CUEDC1: variants seen among roughly 807,000 people sequenced by gnomAD.
The protein encoded by CUEDC1 is CUE domain-containing protein 1.
In CUEDC1, 30 loss-of-function variants were observed where a neutral mutation model predicts 43.7. That is an observed-to-expected ratio of 0.69 (90% CI 0.51 to 0.93). The LOEUF is 0.93. Ranked by LOEUF, CUEDC1 falls within the 40% of genes least tolerant of loss-of-function variation. The pLI is 0.00. For synonymous variants in CUEDC1, 223 were observed against 223.6 expected, an observed-to-expected ratio of 1.00 and a Z score of 0.02; for missense variants, 486 against 549.0, an observed-to-expected ratio of 0.89 and a Z score of 1.15.
intron 7 of CUEDC1, 175 bp from the exon 8 acceptor site, chr17:57,868,418 C>T (rs1016142724): frequency 5.3e-5 from 33 of 623,770 alleles, no homozygotes; most frequent in South Asian, 1.5e-4. Context: ...CCCCTGAGGA[C>T]GCCACCCCAG....
At chr17:57,936,148 G>A (rs1303557134) in intron 1 of CUEDC1, among the ~76,000 whole-genome samples, 1 of 152,222 alleles carries the variant, frequency 6.6e-6, no homozygotes, top group East Asian at 1.9e-4. Context: ...AATCTGTCAG[G>A]CCCTGTGGGC....
chr17:57,911,651 C>T (rs370482811), intron 1 of CUEDC1, among the ~76,000 whole-genome samples: 26 of 152,204 alleles, frequency 1.7e-4, no homozygotes, highest in Admixed American at 3.9e-4. Flanking sequence ...TACAGGCGTG[C>T]GCCACCACAC....
At chr17:57,869,647 G>C (rs1236348098) in intron 6 of CUEDC1, among the ~76,000 whole-genome samples, 1 of 152,166 alleles carries the variant, frequency 6.6e-6, no homozygotes, top group Non-Finnish European at 1.5e-5. Flanking sequence ...TGCTGGCTCA[G>C]AGCCGGCATT....
chr17:57,875,223 T>G lies in CUEDC1; in HGVS notation c.465-1506A>C, dbSNP rs75249618. 3.3e-5 allele frequency among the ~76,000 whole-genome samples: 5 copies of G among 152,180 alleles called. No individual in the cohort carries two copies. In the South Asian group the frequency reaches 6.2e-4, roughly 19 times the overall value. On this transcript the variant is annotated intron_variant, in intron 3 of 10. Coordinates refer to ENST00000577830, the MANE Select transcript of CUEDC1 (RefSeq NM_001271875.2). ...CCCTCGCCAGGGGTATTACCAGTTC[T>G]TGAGGTCTCAGGGTCTTCATCTGGG...
chr17:57,942,178 C>A (rs1598025263), intron 1 of CUEDC1, among the ~76,000 whole-genome samples: 1 of 152,014 alleles, frequency 6.6e-6, no homozygotes, highest in African/African-American at 2.4e-5. Flanking sequence ...CAGAGAAGGG[C>A]CCGGCAGCTG....
chr17:57,865,199 G>C (rs149759713), intron 10 of CUEDC1, among the ~76,000 whole-genome samples: 59 of 152,328 alleles, frequency 3.9e-4, no homozygotes, highest in Middle Eastern at 6.8e-3. Flanking sequence ...TGACAGTGGA[G>C]GCGATTCCCC....
Position 57,953,350 on chromosome 17 carries a change from C to T in CUEDC1, c.-316+1875G>A, listed in dbSNP as rs184751600. Among the ~76,000 whole-genome samples, 263 of 152,364 alleles carry T rather than the reference C, an allele frequency of 1.7e-3. 3 individuals are homozygous for T. The highest frequency in any genetic ancestry group is 6.0e-3 in the African/African-American group (249 of 41,584). On this transcript the variant is annotated intron_variant, in intron 1 of 10. Coordinates refer to ENST00000577830, the MANE Select transcript of CUEDC1 (RefSeq NM_001271875.2). ...AAAGGGCCACCTCATCTGCCCCCAT[C>T]CTCTAGCTAGCTGTAGGGAGCTGGG...
intron 3 of CUEDC1, among the ~76,000 whole-genome samples, chr17:57,877,401 G>A (rs958143634): frequency 6.6e-6 from 1 of 151,902 alleles, no homozygotes; most frequent in Non-Finnish European, 1.5e-5. Context: ...AGGCTGAGGC[G>A]GGAGGACTGC....
chr17:57,944,769 A>T (rs1198584826), intron 1 of CUEDC1, among the ~76,000 whole-genome samples: 1 of 152,244 alleles, frequency 6.6e-6, no homozygotes, highest in Non-Finnish European at 1.5e-5. Context: ...TGTCTCCTTC[A>T]GGCATGGAGA....
At chr17:57,881,794 C>T (rs2074208750) in intron 2 of CUEDC1, among the ~76,000 whole-genome samples, 1 of 152,222 alleles carries the variant, frequency 6.6e-6, no homozygotes, top group African/African-American at 2.4e-5. Context: ...CCCCCTCCTG[C>T]TCCTCTGTGC....
intron 1 of CUEDC1, among the ~76,000 whole-genome samples, chr17:57,899,892 A>G (rs1314563181): frequency 6.7e-6 from 1 of 148,168 alleles, no homozygotes; most frequent in African/African-American, 2.5e-5. Flanking sequence ...CCTCCAAGCC[A>G]CCCCCTTCAT....
At chr17:57,904,570 G>A (rs999817841) in intron 1 of CUEDC1, among the ~76,000 whole-genome samples, 15 of 152,162 alleles carry the variant, frequency 9.9e-5, no homozygotes, top group African/African-American at 3.1e-4. Flanking sequence ...TTAGTTCCCC[G>A]GGAATGGCCC....
intron 1 of CUEDC1, among the ~76,000 whole-genome samples, chr17:57,905,740 G>A (rs186591476): frequency 2.6e-5 from 4 of 152,222 alleles, no homozygotes; most frequent in East Asian, 1.9e-4. Context: ...TGTGTACACC[G>A]TACCATTTTT....
chr17:57,936,223 GTGGAC>G (rs1567723661), intron 1 of CUEDC1, among the ~76,000 whole-genome samples: 1 of 152,178 alleles, frequency 6.6e-6, no homozygotes, highest in Non-Finnish European at 1.5e-5. Flanking sequence ...GCAGGACAGT[GTGGAC>G]TCCCAGGGCC....
At chr17:57,917,233 C>CAAG (rs3085790) in intron 1 of CUEDC1, among the ~76,000 whole-genome samples, 62,531 of 151,954 alleles carry the variant, frequency 0.41, 14,164 homozygotes, top group African/African-American at 0.6. Flanking sequence ...CCCAGGGCAA[C>CAAG]AAGGCCAGTG....
At position 57,932,281 on chromosome 17, in the gene CUEDC1, C is replaced by CAAAAAAAAA. The variant is rs56137797; in HGVS notation, c.-316+22935_-316+22943dup. ...TGGGCAACAAAGTGACACTGTGTCT[C>CAAAAAAAAA]AAAAAAAAAAAAAAAAAAAAAAGGC... is the stretch of plus-strand genomic sequence containing the variant. On this transcript the variant is annotated intron_variant, in intron 1 of 10. Coordinates refer to ENST00000577830, the MANE Select transcript of CUEDC1 (RefSeq NM_001271875.2). 1.3e-3 allele frequency among the ~76,000 whole-genome samples: 161 copies of CAAAAAAAAA among 121,828 alleles called. 3 individuals are homozygous for CAAAAAAAAA. The highest frequency in any genetic ancestry group is 1.6e-3 in the Non-Finnish European group (99 of 63,184). 79.9% of individuals were successfully genotyped at this position (121,828 alleles called of 152,430 possible). A position where few individuals can be genotyped will look rare whatever the true frequency, so the allele number is the denominator to read the frequency against.
intron 1 of CUEDC1, among the ~76,000 whole-genome samples, chr17:57,941,758 G>C (rs533921231): frequency 6.6e-6 from 1 of 152,324 alleles, no homozygotes; most frequent in Admixed American, 6.5e-5. Flanking sequence ...CTGGCTCCTA[G>C]GGTCAGTATA....
chr17:57,884,126 A>C (rs1442651195), intron 2 of CUEDC1, among the ~76,000 whole-genome samples: 1 of 151,772 alleles, frequency 6.6e-6, no homozygotes, highest in Non-Finnish European at 1.5e-5. Context: ...TTTAACTGGC[A>C]AGTCTGATTC....
At chr17:57,890,393 C>T (rs1307397777) in intron 1 of CUEDC1, among the ~76,000 whole-genome samples, 1 of 152,210 alleles carries the variant, frequency 6.6e-6, no homozygotes. Flanking sequence ...TACCACCTCT[C>T]AGAACCCCAG....
Sources: allele counts gnomAD v4.1 joint callset (sites outside exome capture counted in the v4.1 genomes callset), GRCh38; gene constraint gnomAD v4.1.1; transcripts MANE v1.5; gene names NCBI Gene and HGNC (gene_info 2026-07-23, HGNC 2026-07-21).